Variants in CORO2B observed in about 807,000 individuals in gnomAD.
CORO2B encodes coronin-2B.
Under a neutral mutation model 58.8 loss-of-function variants are expected in CORO2B, and 26 were observed. That is an observed-to-expected ratio of 0.44 (90% CI 0.32 to 0.61). The LOEUF (loss-of-function observed/expected upper bound fraction) is 0.61. CORO2B is among the 20% of genes least tolerant of loss of function. CORO2B has a pLI of 0.04. For synonymous variants in CORO2B, 242 were observed against 253.8 expected (o/e 0.95, Z 0.44); for missense variants, 460 against 645.1 (o/e 0.71, Z 3.11).
chr15:68,545,568 A>T, the CORO2B span, among the ~76,000 whole-genome samples: 2 of 133,574 alleles, frequency 1.5e-5, no homozygotes, highest in Non-Finnish European at 3.1e-5. Flanking sequence ...TCAGTCTCAG[A>T]GCCCCTCCCT....
rs1365648561 is a variant in CORO2B at position 68,711,556 on chromosome 15, C to G, written c.498C>G (p.Asn166Lys). ...AGYDYKVLIW[N>K]LDVGEPVKMI... ...TGCCCTCGCAGGTCCTCATCTGGAA[C>G]CTGGATGTGGGTGAGCCGGTGAAGA... Residue 166 changes from asparagine to lysine, a missense_variant, in exon 5 of 12, where the codon AAC (asparagine) becomes AAG (lysine). Coordinates refer to ENST00000261861, the MANE Select transcript of CORO2B (RefSeq NM_006091.5). 2 of 1,612,154 alleles carry G rather than the reference C, an allele frequency of 1.2e-6. No individual in the cohort carries two copies. The highest frequency in any genetic ancestry group is 8.5e-7 in the Non-Finnish European group (1 of 1,178,842).
intron 1 of CORO2B, among the ~76,000 whole-genome samples, chr15:68,588,611 A>G (rs982497635): frequency 3.9e-5 from 6 of 152,174 alleles, no homozygotes; most frequent in Non-Finnish European, 8.8e-5. Flanking sequence ...TTTGCTCCAG[A>G]TACCTCCCGA....
At chr15:68,545,093 C>T in the CORO2B span, among the ~76,000 whole-genome samples, 5 of 152,110 alleles carry the variant, frequency 3.3e-5, no homozygotes, top group Admixed American at 6.5e-5. Context: ...CATTCTTGCA[C>T]GGGTGGGAAT....
chr15:68,707,037 T>A (rs553726413), intron 3 of CORO2B, among the ~76,000 whole-genome samples: 11 of 152,140 alleles, frequency 7.2e-5, no homozygotes, highest in African/African-American at 2.4e-4. Flanking sequence ...CTCGGCTCAC[T>A]GCAAGCTCCA....
At chr15:68,716,671 T>C (rs1893039096) in intron 8 of CORO2B, among the ~76,000 whole-genome samples, 1 of 152,122 alleles carries the variant, frequency 6.6e-6, no homozygotes, top group Admixed American at 6.5e-5. Flanking sequence ...CTCTCTGTGA[T>C]GATGGTATTT....
At chr15:68,547,664 T>A in the CORO2B span, among the ~76,000 whole-genome samples, 12 of 152,124 alleles carry the variant, frequency 7.9e-5, no homozygotes, top group South Asian at 2.1e-4. Context: ...ATAAAAGAAA[T>A]AAAACACCTC....
the CORO2B span, among the ~76,000 whole-genome samples, chr15:68,559,975 G>A: frequency 1.8e-4 from 27 of 152,234 alleles, no homozygotes; most frequent in Non-Finnish European, 3.1e-4. The surrounding 1 kb of genome is among the most constrained non-coding windows in gnomAD (Gnocchi z 4.3). Flanking sequence ...GTGTAAGGAC[G>A]ACTGGCGGGG....
At chr15:68,722,756 T>A (rs1168700748) in intron 11 of CORO2B, among the ~76,000 whole-genome samples, 3 of 152,216 alleles carry the variant, frequency 2.0e-5, no homozygotes, top group Non-Finnish European at 2.9e-5. Context: ...TAAGTTATAT[T>A]TTTTTAAGTT....
At chr15:68,548,357 A>G in the CORO2B span, among the ~76,000 whole-genome samples, 1 of 152,122 alleles carries the variant, frequency 6.6e-6, no homozygotes, top group East Asian at 1.9e-4. Flanking sequence ...TTTTCTCTTA[A>G]AAACAAAGCT....
At chr15:68,612,841 G>A (rs1274421591) in intron 1 of CORO2B, among the ~76,000 whole-genome samples, 1 of 152,232 alleles carries the variant, frequency 6.6e-6, no homozygotes, top group Non-Finnish European at 1.5e-5. Flanking sequence ...CAGTTGGGGA[G>A]AGAAAGGTGA....
intron 11 of CORO2B, among the ~76,000 whole-genome samples, 186 bp from the exon 12 acceptor site, chr15:68,725,657 T>C (rs1370176903): frequency 6.6e-6 from 1 of 151,962 alleles, no homozygotes; most frequent in Non-Finnish European, 1.5e-5. Flanking sequence ...GTAAGAGCCA[T>C]GGGCTGAGCT....
intron 3 of CORO2B, among the ~76,000 whole-genome samples, chr15:68,698,185 G>T (rs959823078): frequency 2.0e-5 from 3 of 152,240 alleles, no homozygotes; most frequent in African/African-American, 7.2e-5. Flanking sequence ...TACCTGGCCT[G>T]CTCGCTGCAA....
chr15:68,687,186 TG>T (rs1474720820), intron 2 of CORO2B, among the ~76,000 whole-genome samples: 1 of 152,170 alleles, frequency 6.6e-6, no homozygotes, highest in Non-Finnish European at 1.5e-5. Context: ...TCTGGGAATC[TG>T]GGAAGCCCAG....
At chr15:68,588,773 C>T (rs1001639977) in intron 1 of CORO2B, among the ~76,000 whole-genome samples, 15 of 152,148 alleles carry the variant, frequency 9.9e-5, no homozygotes, top group African/African-American at 2.7e-4. Flanking sequence ...GAATCCAGGA[C>T]GTGGAACGGC....
At chr15:68,680,130 C>T (rs1303304071) in intron 2 of CORO2B, among the ~76,000 whole-genome samples, 1 of 151,962 alleles carries the variant, frequency 6.6e-6, no homozygotes, top group Non-Finnish European at 1.5e-5. Context: ...GCAGAGTGGC[C>T]CAGCCTGGGA....
Position 68,726,064 on chromosome 15 carries a change from G to A in CORO2B, c.*90G>A, listed in dbSNP as rs1247602285. On this transcript the variant is annotated 3_prime_UTR_variant, in exon 12 of 12. Transcript: ENST00000261861. ...CCTTACCAGTGACCCCAGAGACAGAGCCAGGACAGGAGTGGGGGCCAGCCT... is the reference window on the plus strand; with the variant it reads ...CCTTACCAGTGACCCCAGAGACAGAACCAGGACAGGAGTGGGGGCCAGCCT... 3.9e-6 allele frequency: 6 copies of A among 1,551,672 alleles called. No homozygotes were observed. The highest frequency in any genetic ancestry group is 5.2e-6 in the Non-Finnish European group (6 of 1,150,854).
At chr15:68,693,666 C>T (rs538835874) in intron 2 of CORO2B, among the ~76,000 whole-genome samples, 1 of 152,180 alleles carries the variant, frequency 6.6e-6, no homozygotes, top group Non-Finnish European at 1.5e-5. Context: ...TTGTTCCATC[C>T]GTTTGTGGAC....
At chr15:68,705,581 T>G (rs1331348127) in intron 3 of CORO2B, among the ~76,000 whole-genome samples, 2 of 152,160 alleles carry the variant, frequency 1.3e-5, no homozygotes, top group Non-Finnish European at 2.9e-5. Flanking sequence ...CCTCAAGCCC[T>G]GCCTGAGACC....
chr15:68,568,595 A>T, the CORO2B span, among the ~76,000 whole-genome samples: 1 of 152,206 alleles, frequency 6.6e-6, no homozygotes, highest in Non-Finnish European at 1.5e-5. Flanking sequence ...TAATAGTACC[A>T]ATCCCTTATG....
Sources: gnomAD v4.1 joint callset for allele counts (sites outside exome capture counted in the v4.1 genomes callset) on GRCh38, gnomAD v4.1.1 for gene constraint, Gnocchi (gnomAD v3.1) non-coding constraint, MANE v1.5 for transcripts, NCBI Gene and HGNC (gene_info 2026-07-23, HGNC 2026-07-21) for gene names.